STK3: variants seen among roughly 807,000 people sequenced by gnomAD.
STK3 encodes the protein serine/threonine kinase 3, also known as serine/threonine-protein kinase 3.
STK3 carries 41 observed loss-of-function variants against 58.0 expected under a neutral mutation model. The ratio of observed to expected loss-of-function variants is 0.71; its 90% CI spans 0.55 to 0.92. The LOEUF is 0.92. Ranked by LOEUF, STK3 falls within the 40% of genes least tolerant of loss-of-function variation. The pLI, the probability that STK3 is intolerant of heterozygous loss-of-function variation, is 0.00. For synonymous variants in STK3, 170 were observed against 191.0 expected (o/e 0.89, Z 0.91); for missense variants, 479 against 602.7 (o/e 0.79, Z 2.15).
upstream of STK3, among the ~76,000 whole-genome samples, chr8:98,828,623 A>C (rs1446963145): frequency 6.6e-6 from 1 of 151,760 alleles, no homozygotes; most frequent in Non-Finnish European, 1.5e-5. Flanking sequence ...AGAGGGAGGG[A>C]GGGAGGAAGG....
chr8:98,773,727 T>G (rs1259604904), intron 2 of STK3, among the ~76,000 whole-genome samples: 1 of 152,160 alleles, frequency 6.6e-6, no homozygotes, highest in East Asian at 1.9e-4. Context: ...TAACATTTAC[T>G]GAAAAGTACA....
intron 1 of STK3, among the ~76,000 whole-genome samples, chr8:98,802,841 G>A (rs1833644981): frequency 6.6e-6 from 1 of 152,088 alleles, no homozygotes; most frequent in Admixed American, 6.5e-5. Flanking sequence ...AAAAAGGCAG[G>A]TTACAAAATA....
intron 8 of STK3, among the ~76,000 whole-genome samples, chr8:98,571,579 C>T (rs1446290951): frequency 6.6e-6 from 1 of 152,192 alleles, no homozygotes; most frequent in Non-Finnish European, 1.5e-5. Context: ...ACCTGAACAG[C>T]TCTGAGTTCA....
chr8:98,398,932 T>C (rs1392544739), downstream of STK3, among the ~76,000 whole-genome samples: 2 of 152,230 alleles, frequency 1.3e-5, no homozygotes, highest in African/African-American at 4.8e-5. Context: ...GATTTGGCCT[T>C]GACTGAAAGG....
At chr8:98,788,462 C>CAAAA (rs371210857) in intron 1 of STK3, among the ~76,000 whole-genome samples, 13 of 142,966 alleles carry the variant, frequency 9.1e-5, no homozygotes, top group African/African-American at 3.3e-4. Flanking sequence ...AACAAACAAA[C>CAAAA]AAAAAAAAAA....
intron 1 of STK3, among the ~76,000 whole-genome samples, chr8:98,933,633 C>T (rs1261936879): frequency 6.6e-6 from 1 of 152,178 alleles, no homozygotes; most frequent in Non-Finnish European, 1.5e-5. Context: ...ATAAGTATGT[C>T]TTCAGTGTCA....
chr8:98,361,850 C>A, the STK3 span, among the ~76,000 whole-genome samples: 1 of 152,142 alleles, frequency 6.6e-6, no homozygotes, highest in East Asian at 1.9e-4. Flanking sequence ...GGCCTTGTGG[C>A]TTCAGAACAA....
chr8:98,706,070 A>G (rs1004960934), intron 6 of STK3, among the ~76,000 whole-genome samples: 3 of 151,800 alleles, frequency 2.0e-5, no homozygotes, highest in African/African-American at 7.2e-5. Context: ...AAAAAAAAAC[A>G]CACAGTAAGG....
At chr8:98,614,031 A>G (rs1703922762) in intron 6 of STK3, among the ~76,000 whole-genome samples, 1 of 152,228 alleles carries the variant, frequency 6.6e-6, no homozygotes, top group Admixed American at 6.5e-5. Context: ...CCAACAAGCT[A>G]TAAAATATAT....
chr8:98,431,315 G>A (rs142095089), intron 3 of STK3: 12 of 167,230 alleles, frequency 7.2e-5, no homozygotes, highest in African/African-American at 2.9e-4. Flanking sequence ...GCTTGTGGGA[G>A]GCTGGGAGGT....
At chr8:98,897,691 T>A (rs1218307740) in intron 1 of STK3, among the ~76,000 whole-genome samples, 1 of 152,180 alleles carries the variant, frequency 6.6e-6, no homozygotes, top group Non-Finnish European at 1.5e-5. Context: ...GGCACTTAAT[T>A]ATAAAAGAGT....
chr8:98,601,191 C>T (rs1015033566), intron 6 of STK3, among the ~76,000 whole-genome samples: 20 of 151,906 alleles, frequency 1.3e-4, no homozygotes, highest in African/African-American at 4.4e-4. Context: ...AATATATATA[C>T]ATATATTTAA....
intron 10 of STK3, among the ~76,000 whole-genome samples, chr8:98,515,499 A>G (rs1307350648): frequency 2.0e-5 from 3 of 152,084 alleles, no homozygotes; most frequent in Non-Finnish European, 4.4e-5. Flanking sequence ...AATGGGCTTC[A>G]GTTTTGCTAC....
At chr8:98,649,854 T>C (rs979015343) in intron 6 of STK3, among the ~76,000 whole-genome samples, 2 of 152,216 alleles carry the variant, frequency 1.3e-5, no homozygotes, top group African/African-American at 4.8e-5. Flanking sequence ...GGAACATATT[T>C]TTAAAGCCAG....
chr8:98,422,270 A>T (rs1818182694), intron 3 of STK3, among the ~76,000 whole-genome samples: 1 of 152,024 alleles, frequency 6.6e-6, no homozygotes, highest in African/African-American at 2.4e-5. Flanking sequence ...GTGCAGCAAA[A>T]CTTCTAAAAT....
At chr8:98,905,392 G>C (rs1001530756) in intron 1 of STK3, 1 of 1,241,940 alleles carries the variant, frequency 8.1e-7, no homozygotes, top group African/African-American at 1.5e-5. Context: ...TTGGCTTGAA[G>C]CTCTTGGTTG....
chr8:98,897,233 A>G (rs112975046), intron 1 of STK3, among the ~76,000 whole-genome samples: 187 of 152,140 alleles, frequency 1.2e-3, no homozygotes, highest in African/African-American at 4.2e-3. Flanking sequence ...TCAGTCAACC[A>G]CTATCAATCC....
chr8:98,395,438 ATAT>A, intron 3 of STK3, among the ~76,000 whole-genome samples: 1 of 152,372 alleles, frequency 6.6e-6, no homozygotes, highest in Non-Finnish European at 1.5e-5. Context: ...AAATTTGATA[ATAT>A]TATGGCAGAA....
At chr8:98,803,921 A>G (rs1343210610) in intron 1 of STK3, among the ~76,000 whole-genome samples, 1 of 152,216 alleles carries the variant, frequency 6.6e-6, no homozygotes, top group African/African-American at 2.4e-5. Flanking sequence ...GATGAATAAA[A>G]GCTAAATGAA....
Sources: allele counts gnomAD v4.1 joint callset (sites outside exome capture counted in the v4.1 genomes callset), GRCh38; gene constraint gnomAD v4.1.1; transcripts MANE v1.5; gene names NCBI Gene and HGNC (gene_info 2026-07-23, HGNC 2026-07-21).